Variants in LDHAL6A observed in about 807,000 individuals in gnomAD.
The protein encoded by LDHAL6A is lactate dehydrogenase A like 6A.
A neutral mutation model predicts 28.2 loss-of-function variants in LDHAL6A; 19 were observed. The ratio of observed to expected loss-of-function variants is 0.67; its 90% confidence interval spans 0.47 to 0.99. The LOEUF is 0.99. LDHAL6A is among the 50% of genes least tolerant of loss of function. The pLI is 0.00. For synonymous variants in LDHAL6A, 144 were observed against 134.4 expected (o/e 1.07, Z -0.49); for missense variants, 372 against 398.6 (o/e 0.93, Z 0.57).
At chr11:18,464,638 C>T (rs1268360763) in intron 2 of LDHAL6A, among the ~76,000 whole-genome samples, 1 of 151,668 alleles carries the variant, frequency 6.6e-6, no homozygotes. Flanking sequence ...TCGCTTGAAC[C>T]TGGGAGGTGG....
At chr11:18,477,177 C>T (rs963544047) in intron 5 of LDHAL6A, among the ~76,000 whole-genome samples, 14 of 150,976 alleles carry the variant, frequency 9.3e-5, no homozygotes, top group African/African-American at 2.9e-4. Flanking sequence ...TATGGCCGGG[C>T]GTGGTGGCTC....
In LDHAL6A at chr11:18,479,314, CTT is replaced by C. The variant is rs762101683; in HGVS notation, c.*461_*462del. The stretch of plus-strand genomic sequence containing the variant: ...TTTAGTATCCAGATGATAGATGACA[CTT>C]TTTTTTTTTTTTTTTTAAAGTGACG... On this transcript the variant is annotated 3_prime_UTR_variant, in exon 7 of 7. Coordinates refer to ENST00000280706, the MANE Select transcript of LDHAL6A (RefSeq NM_144972.5). The C allele has an allele frequency of 2.6e-4, 34 of 131,502 alleles. No individual in the cohort carries two copies. The highest frequency in any genetic ancestry group is 2.3e-4 in the Admixed American group (3 of 13,030). 8.1% of individuals were successfully genotyped at this position (131,502 alleles called of 1,614,324 possible).
chr11:18,464,309 A>T (rs1015541377), intron 2 of LDHAL6A, among the ~76,000 whole-genome samples: 3 of 152,224 alleles, frequency 2.0e-5, no homozygotes, highest in African/African-American at 7.2e-5. Context: ...CATGACAGCT[A>T]CAATGAACTG....
chr11:18,466,672 GT>G (rs1849083411), intron 3 of LDHAL6A, among the ~76,000 whole-genome samples: 1 of 133,960 alleles, frequency 7.5e-6, no homozygotes. Context: ...AAAAAAAAAA[GT>G]AGTGTGTATG....
intron 1 of LDHAL6A, among the ~76,000 whole-genome samples, chr11:18,462,856 C>CA (rs1848962502): frequency 2.0e-5 from 3 of 150,882 alleles, no homozygotes; most frequent in Non-Finnish European, 3.0e-5. Flanking sequence ...AAAACAAAAA[C>CA]AAAAAAACAT....
chr11:18,479,556 G>C lies in LDHAL6A; in HGVS notation c.*686G>C, dbSNP rs12419360. 0.17 allele frequency: 25,590 copies of C among 151,732 alleles called. 2,704 individuals are homozygous for C. The highest frequency in any genetic ancestry group is 0.42 in the East Asian group (2,147 of 5,144). The allele number at this position is 151,732 out of a possible 1,614,324, so 9.4% of individuals were successfully genotyped here. A position where few individuals can be genotyped will look rare whatever the true frequency, so the allele number is the denominator to read the frequency against. ...GTGTATATATATACACACACACACA[G>C]AGAGTAATCTAAATGTTCCTAACAC... On this transcript the variant is annotated 3_prime_UTR_variant, in exon 7 of 7. Transcript: ENST00000280706.
intron 1 of LDHAL6A, among the ~76,000 whole-genome samples, chr11:18,459,763 G>C (rs898901838): frequency 6.6e-6 from 1 of 152,116 alleles, no homozygotes; most frequent in Non-Finnish European, 1.5e-5. Flanking sequence ...ACCACATGAC[G>C]TTTAGTCACT....
chr11:18,477,591 C>T (rs1849418638), intron 5 of LDHAL6A, 29 bp from the exon 6 acceptor site: 2 of 1,570,486 alleles, frequency 1.3e-6, no homozygotes, highest in East Asian at 4.6e-5. Context: ...TGCATCTTAA[C>T]TTATGTTTAT....
chr11:18,475,272 T>C lies in LDHAL6A; in HGVS notation c.419-194T>C, dbSNP rs1193939887. 4 of 500,474 alleles carry C rather than the reference T, an allele frequency of 8.0e-6. No individual in the cohort carries two copies. The South Asian group carries it at 9.3e-5, about 12-fold the overall frequency. The allele number at this position is 500,474 out of a possible 1,614,324, so 31.0% of individuals were successfully genotyped here. On this transcript the variant is annotated intron_variant, in intron 3 of 6. Transcript: ENST00000280706. ...TCTGCATACCAAGCTGTGCAAAGTA[T>C]CAACGAAAAGGTTTTTCATTACTTC...
intron 1 of LDHAL6A, among the ~76,000 whole-genome samples, chr11:18,461,207 C>T (rs557580874): frequency 8.6e-5 from 13 of 151,018 alleles, no homozygotes; most frequent in Non-Finnish European, 1.6e-4. Context: ...TGCAGTGGCG[C>T]GATCATGGCT....
intron 1 of LDHAL6A, among the ~76,000 whole-genome samples, chr11:18,459,848 G>T (rs1159275545): frequency 6.6e-6 from 1 of 152,122 alleles, no homozygotes; most frequent in Non-Finnish European, 1.5e-5. Context: ...AGCATTCTGA[G>T]GAGTACTAGT....
At chr11:18,477,184 G>T (rs1169217073) in intron 5 of LDHAL6A, among the ~76,000 whole-genome samples, 1 of 151,582 alleles carries the variant, frequency 6.6e-6, no homozygotes, top group African/African-American at 2.4e-5. Flanking sequence ...GGGCGTGGTG[G>T]CTCATGCCTC....
chr11:18,471,858 A>AT (rs200224050), intron 3 of LDHAL6A, among the ~76,000 whole-genome samples: 4,873 of 139,070 alleles, frequency 0.035, 123 homozygotes, highest in African/African-American at 0.085. Flanking sequence ...AGTATTTAGG[A>AT]TTTTTTTTTT....
intron 3 of LDHAL6A, among the ~76,000 whole-genome samples, chr11:18,466,592 T>C (rs1849080469): frequency 6.9e-6 from 1 of 144,608 alleles, no homozygotes; most frequent in African/African-American, 2.6e-5. Flanking sequence ...AGGTCAAGGC[T>C]GCAGTGAGCC....
In LDHAL6A at chr11:18,479,555, A is replaced by G. The variant is rs1849487502; in HGVS notation, c.*685A>G. The G allele has an allele frequency of 2.6e-5, 4 of 151,910 alleles. No individual in the cohort carries two copies. Among genetic ancestry groups the G allele is most frequent in the Admixed American group, 2.6e-4 (4 of 15,232 alleles). 9.4% of individuals were successfully genotyped at this position (151,910 alleles called of 1,614,324 possible). On this transcript the variant is annotated 3_prime_UTR_variant, in exon 7 of 7. Coordinates refer to ENST00000280706, the MANE Select transcript of LDHAL6A (RefSeq NM_144972.5). ...AGTGTATATATATACACACACACAC[A>G]GAGAGTAATCTAAATGTTCCTAACA...
chr11:18,460,930 C>T (rs540746890), intron 1 of LDHAL6A, among the ~76,000 whole-genome samples: 62 of 152,106 alleles, frequency 4.1e-4, no homozygotes, highest in African/African-American at 1.3e-3. Context: ...CTCCGCCTCC[C>T]GGGTTCAAGT....
At chr11:18,462,651 C>CAAAAAAAAAAA (rs1306112384) in intron 1 of LDHAL6A, among the ~76,000 whole-genome samples, 2 of 54,406 alleles carry the variant, frequency 3.7e-5, no homozygotes, top group African/African-American at 1.2e-4. Flanking sequence ...AACAAACAAA[C>CAAAAAAAAAAA]AAACAAAAAA....
rs1308457326 is a variant in LDHAL6A at position 18,475,463 on chromosome 11, T to C, written c.419-3T>C. ...TTTCTTGATATGAACTTTTTCTTCT[T>C]AGTGGATATCTTAACTTATGTAGCC... On this transcript the variant is annotated splice_region_variant and splice_polypyrimidine_tract_variant and intron_variant, in intron 3 of 6. Coordinates refer to ENST00000280706, the MANE Select transcript of LDHAL6A (RefSeq NM_144972.5). The C allele has an allele frequency of 6.2e-7, 1 of 1,608,588 alleles. No individual in the cohort carries two copies. The highest frequency in any genetic ancestry group is 8.5e-7 in the Non-Finnish European group (1 of 1,176,456).
intron 4 of LDHAL6A, chr11:18,475,857 G>A (rs919627380): frequency 3.5e-5 from 16 of 462,062 alleles, no homozygotes; most frequent in African/African-American, 3.2e-4. Context: ...ACATATGGAT[G>A]GCTAGGATTA....
Sources: allele counts gnomAD v4.1 joint callset (sites outside exome capture counted in the v4.1 genomes callset), GRCh38; gene constraint gnomAD v4.1.1; transcripts MANE v1.5; gene names NCBI Gene and HGNC (gene_info 2026-07-23, HGNC 2026-07-21).